Variants in KCNH7 observed in about 807,000 individuals in gnomAD.
KCNH7 encodes potassium voltage-gated channel subfamily H member 7.
A neutral mutation model predicts 120.8 loss-of-function variants in KCNH7; 49 were observed. That is an observed-to-expected ratio of 0.41 (90% confidence interval 0.32 to 0.51). KCNH7 has a LOEUF of 0.51. KCNH7 is among the 20% of genes least tolerant of loss of function. The pLI is 0.38. For missense variants in KCNH7, 1,097 were observed against 1,446.6 expected (o/e 0.76, Z 3.92); for synonymous variants, 547 against 516.1 (o/e 1.06, Z -0.81).
chr2:162,499,950 T>G (rs1180350820), intron 6 of KCNH7, among the ~76,000 whole-genome samples: 1 of 151,948 alleles, frequency 6.6e-6, no homozygotes, highest in Non-Finnish European at 1.5e-5. Context: ...GTTTCCTCTC[T>G]CAGCACCATC....
At chr2:162,506,688 A>C (rs7567534) in intron 5 of KCNH7, among the ~76,000 whole-genome samples, 1,674 of 151,842 alleles carry the variant, frequency 0.011, 29 homozygotes, top group African/African-American at 0.036. Context: ...AATTTGGCTA[A>C]ATTCACGGAT....
chr2:162,503,341 G>A (rs986449138), intron 6 of KCNH7, among the ~76,000 whole-genome samples: 15 of 152,028 alleles, frequency 9.9e-5, no homozygotes, highest in East Asian at 1.9e-4. Context: ...TAAAATGTGC[G>A]TAACAGTAAA....
chr2:162,407,088 T>C (rs1687249963), intron 9 of KCNH7, among the ~76,000 whole-genome samples: 1 of 152,050 alleles, frequency 6.6e-6, no homozygotes, highest in Non-Finnish European at 1.5e-5. Flanking sequence ...TTTTCTTGTA[T>C]AAACATCACA....
intron 2 of KCNH7, among the ~76,000 whole-genome samples, chr2:162,778,001 G>A (rs771126932): frequency 6.6e-6 from 1 of 152,054 alleles, no homozygotes; most frequent in Non-Finnish European, 1.5e-5. Context: ...TGGCATGCGT[G>A]TGGTAAATGA....
intron 6 of KCNH7, among the ~76,000 whole-genome samples, chr2:162,453,500 A>G (rs1350159389): frequency 1.3e-5 from 2 of 152,240 alleles, no homozygotes; most frequent in East Asian, 1.9e-4. Flanking sequence ...TGCTGGGTCA[A>G]ATGGTATTTC....
intron 8 of KCNH7, among the ~76,000 whole-genome samples, chr2:162,433,210 C>G (rs1013776798): frequency 6.6e-6 from 1 of 152,018 alleles, no homozygotes; most frequent in African/African-American, 2.4e-5. Flanking sequence ...CTCCCCAAAG[C>G]AATTTACAGA....
chr2:162,748,927 TTTCCTTCC>T (rs1219510782), intron 2 of KCNH7, among the ~76,000 whole-genome samples: 1,078 of 27,832 alleles, frequency 0.039, 17 homozygotes, highest in Middle Eastern at 0.11. Flanking sequence ...TTCCCTTTCC[TTTCCTTCC>T]TTCCTTCCTT....
intron 9 of KCNH7, among the ~76,000 whole-genome samples, chr2:162,401,519 A>T (rs1006703597): frequency 6.6e-6 from 1 of 151,920 alleles, no homozygotes; most frequent in Non-Finnish European, 1.5e-5. Context: ...AATTGTTTGT[A>T]AGGCAATTTC....
intron 11 of KCNH7, among the ~76,000 whole-genome samples, chr2:162,395,944 A>G (rs992687264): frequency 6.6e-6 from 1 of 151,706 alleles, no homozygotes; most frequent in Admixed American, 6.6e-5. Flanking sequence ...CAATCACTCA[A>G]TATTTGATTT....
At chr2:162,401,149 A>G (rs56777241) in intron 9 of KCNH7, among the ~76,000 whole-genome samples, 3 of 152,008 alleles carry the variant, frequency 2.0e-5, no homozygotes, top group African/African-American at 7.2e-5. Context: ...TGTTTTGACA[A>G]CCTATTCAGG....
At chr2:162,830,037 T>A (rs1412907924) in intron 2 of KCNH7, among the ~76,000 whole-genome samples, 2 of 152,090 alleles carry the variant, frequency 1.3e-5, no homozygotes, top group Admixed American at 1.3e-4. Context: ...TAATGCGTAA[T>A]AACAAGGAGC....
intron 2 of KCNH7, among the ~76,000 whole-genome samples, chr2:162,697,438 T>C (rs1452248365): frequency 6.6e-6 from 1 of 152,044 alleles, no homozygotes; most frequent in Non-Finnish European, 1.5e-5. Context: ...ACATTGTAAA[T>C]TGATAAAGAA....
intron 6 of KCNH7, among the ~76,000 whole-genome samples, chr2:162,500,955 C>T (rs1327301017): frequency 6.6e-6 from 1 of 152,058 alleles, no homozygotes; most frequent in African/African-American, 2.4e-5. Context: ...GGAAACTTCA[C>T]AAATACAAAA....
At chr2:162,539,889 A>G (rs1692245088) in intron 2 of KCNH7, among the ~76,000 whole-genome samples, 1 of 152,122 alleles carries the variant, frequency 6.6e-6, no homozygotes, top group Non-Finnish European at 1.5e-5. Flanking sequence ...GAAGAGAAGA[A>G]TAGAATATAT....
At chr2:162,710,182 A>G (rs1686875410) in intron 2 of KCNH7, among the ~76,000 whole-genome samples, 1 of 152,184 alleles carries the variant, frequency 6.6e-6, no homozygotes, top group South Asian at 2.1e-4. Flanking sequence ...CCAAGACTCA[A>G]GAGGGGCTTT....
At chr2:162,416,889 T>C (rs1250998524) in intron 9 of KCNH7, among the ~76,000 whole-genome samples, 2 of 152,256 alleles carry the variant, frequency 1.3e-5, no homozygotes, top group South Asian at 2.1e-4. Context: ...TAGGTATATC[T>C]GGCATGAAAC....
chr2:162,373,444 CTT>C (rs897004221), intron 15 of KCNH7, 24 bp downstream of exon 15: 2 of 1,459,092 alleles, frequency 1.4e-6, no homozygotes, highest in Non-Finnish European at 1.8e-6. Flanking sequence ...GAGAGACACT[CTT>C]GGTTGGATGG....
chr2:162,679,226 T>G (rs1685629809), intron 2 of KCNH7, among the ~76,000 whole-genome samples: 1 of 151,574 alleles, frequency 6.6e-6, no homozygotes, highest in Admixed American at 6.6e-5. Context: ...ACAGCAATCT[T>G]GCTTGTATAG....
At chr2:162,744,568 C>CTTTTTTT (rs144013923) in intron 2 of KCNH7, among the ~76,000 whole-genome samples, 4 of 115,324 alleles carry the variant, frequency 3.5e-5, no homozygotes, top group Admixed American at 9.6e-5. Flanking sequence ...ATTCACAGAA[C>CTTTTTTT]TTTTTTTTTT....
Sources: allele counts gnomAD v4.1 joint callset (sites outside exome capture counted in the v4.1 genomes callset), GRCh38; gene constraint gnomAD v4.1.1; transcripts MANE v1.5; gene names NCBI Gene and HGNC (gene_info 2026-07-23, HGNC 2026-07-21).